The following ANAPC11 variants were observed in gnomAD, a reference collection of about 807,000 sequenced individuals.
The protein encoded by ANAPC11 is anaphase-promoting complex subunit 11.
ANAPC11 carries 5 observed loss-of-function variants against 11.8 expected under a neutral mutation model. The ratio of observed to expected loss-of-function variants is 0.42; its 90% confidence interval spans 0.22 to 0.89. The LOEUF (loss-of-function observed/expected upper bound fraction) is 0.89. Ranked by LOEUF, ANAPC11 falls within the 40% of genes least tolerant of loss-of-function variation. The pLI is 0.28. For synonymous variants in ANAPC11, 45 were observed against 41.0 expected (o/e 1.10, Z -0.38); for missense variants, 68 against 112.9 (o/e 0.60, Z 1.80).
intron 3 of ANAPC11, chr17:81,899,084 G>C (rs2039842021): frequency 1.3e-6 from 1 of 787,440 alleles, no homozygotes; most frequent in Non-Finnish European, 2.0e-6. Flanking sequence ...ACGAGCTCCA[G>C]CTCCACAATG....
chr17:81,891,603 A>G (rs1292591870), upstream of ANAPC11: 13 of 1,379,674 alleles, frequency 9.4e-6, no homozygotes, highest in Non-Finnish European at 1.2e-5. Flanking sequence ...GCGCGTCAGC[A>G]CGCCGGCACG....
At position 81,900,101 on chromosome 17, in the gene ANAPC11, G is replaced by GAC. The variant is rs1325064223; in HGVS notation, c.*37_*38dup. The GAC allele has an allele frequency of 6.2e-7, 1 of 1,610,672 alleles. No individual in the cohort carries two copies. The highest frequency in any genetic ancestry group is 8.5e-7 in the Non-Finnish European group (1 of 1,179,096). On this transcript the variant is annotated 3_prime_UTR_variant, in exon 4 of 4. Transcript: ENST00000344877. The stretch of plus-strand genomic sequence containing the variant: ...GGCTCTCGCTGGAGGGGCATCCTGA[G>GAC]ACTCCTTCCTCATGCTGGCGCCGAT...
chr17:81,894,376 G>T, intron 2 of ANAPC11, 91 bp from the exon 3 acceptor site: 1 of 666,274 alleles, frequency 1.5e-6, no homozygotes, highest in Non-Finnish European at 2.6e-6. Flanking sequence ...AGCTGGGACT[G>T]CACTGTGGCA....
intron 3 of ANAPC11, chr17:81,899,347 C>A: frequency 6.2e-7 from 1 of 1,613,808 alleles, no homozygotes; most frequent in East Asian, 2.2e-5. Context: ...AACACAGCTT[C>A]CCCAACGCCT....
In ANAPC11 at chr17:81,894,498, C is replaced by CTTCT; in HGVS notation, c.22_23insTCTT (p.Trp8PhefsTer15). 1 of 1,612,808 alleles carries CTTCT rather than the reference C, an allele frequency of 6.2e-7. No individual in the cohort carries two copies. Among genetic ancestry groups the CTTCT allele is most frequent in the South Asian group, 1.1e-5 (1 of 90,998 alleles). ...CTGCCATGAAGGTGAAGATTAAGTGCTGGAACGGCGTGGCCACTTGGCTCT... is the reference window on the plus strand; with the variant it reads ...CTGCCATGAAGGTGAAGATTAAGTGCTTCTTGGAACGGCGTGGCCACTTGGCTCT... On this transcript the variant is annotated frameshift_variant, in exon 3 of 4. Transcript: ENST00000344877. LOFTEE classifies it high-confidence loss of function.
rs2039539338 is a variant in ANAPC11 at position 81,891,775 on chromosome 17, G to T, written c.-141G>T. On this transcript the variant is annotated 5_prime_UTR_variant, in exon 1 of 4. Transcript: ENST00000344877. ...GGCGCTGTTGAGGGAGTCGGGCCGC[G>T]ACTGTGGTCGTTTTTATACCTTCCC... 1 of 331,214 alleles carries T rather than the reference G, an allele frequency of 3.0e-6. No individual in the cohort carries two copies. Among genetic ancestry groups the T allele is most frequent in the Non-Finnish European group, 5.1e-6 (1 of 194,342 alleles). 20.5% of individuals were successfully genotyped at this position (331,214 alleles called of 1,614,324 possible).
intron 3 of ANAPC11, chr17:81,899,178 T>A: frequency 6.6e-7 from 1 of 1,521,384 alleles, no homozygotes. Context: ...TTCCAGGCTC[T>A]TGGAGATCAG....
At chr17:81,896,881 C>T (rs1196348905) in intron 3 of ANAPC11, among the ~76,000 whole-genome samples, 1 of 147,672 alleles carries the variant, frequency 6.8e-6, no homozygotes, top group East Asian at 2.0e-4. Context: ...GGCACCATCT[C>T]AGCTCACCGC....
intron 3 of ANAPC11, chr17:81,898,354 C>G (rs570633086): frequency 6.6e-6 from 1 of 152,244 alleles, no homozygotes; most frequent in Non-Finnish European, 1.5e-5. Context: ...CTGCAGAGCC[C>G]GCCCTGCAGC....
At chr17:81,892,267 G>GTT (rs2039565613) in intron 1 of ANAPC11, among the ~76,000 whole-genome samples, 1 of 152,072 alleles carries the variant, frequency 6.6e-6, no homozygotes, top group Non-Finnish European at 1.5e-5. Context: ...CAGCCCAGGA[G>GTT]TTTGAGACCA....
At chr17:81,899,004 C>T (rs1268551811) in intron 3 of ANAPC11, 17 of 586,120 alleles carry the variant, frequency 2.9e-5, no homozygotes, top group East Asian at 5.7e-5. Flanking sequence ...GAAACCCCCA[C>T]GGGCAGGTCC....
intron 3 of ANAPC11, chr17:81,899,712 T>C: frequency 3.1e-6 from 3 of 973,584 alleles, no homozygotes; most frequent in Non-Finnish European, 4.5e-6. Flanking sequence ...ATGTCCGGTG[T>C]CCCTTGGTCA....
At chr17:81,894,427 A>C (rs763952613) in intron 2 of ANAPC11, 40 bp from the exon 3 acceptor site, 1 of 1,266,270 alleles carries the variant, frequency 7.9e-7, no homozygotes, top group Non-Finnish European at 1.1e-6. Flanking sequence ...CTAGCTCTGC[A>C]GACTCAATTT....
upstream of ANAPC11, chr17:81,890,957 G>A: frequency 7.4e-7 from 1 of 1,344,832 alleles, no homozygotes. Context: ...CGCTCCCTCC[G>A]GCGCTGCAGC....
At chr17:81,899,708 G>A (rs767857774) in intron 3 of ANAPC11, 60 of 972,068 alleles carry the variant, frequency 6.2e-5, no homozygotes, top group African/African-American at 3.3e-4. Context: ...CCGCATGTCC[G>A]GTGTCCCTTG....
chr17:81,892,297 A>AC (rs1328373899), intron 1 of ANAPC11, among the ~76,000 whole-genome samples: 2 of 150,274 alleles, frequency 1.3e-5, no homozygotes, highest in East Asian at 2.0e-4. Flanking sequence ...ACATCGTGAG[A>AC]CCCCCATCTC....
At chr17:81,896,798 CTTTTTTTTTTTTTTTTT>C (rs1156391578) in intron 3 of ANAPC11, among the ~76,000 whole-genome samples, 2 of 42,912 alleles carry the variant, frequency 4.7e-5, no homozygotes, top group East Asian at 2.0e-3. Flanking sequence ...GCCTCCTTTG[CTTTTTTTTTTTTTTTTT>C]TTTTTTTTTT....
In ANAPC11 at chr17:81,900,100, A is replaced by C. The variant is rs1227230651; in HGVS notation, c.*35A>C. The C allele has an allele frequency of 1.2e-6, 2 of 1,610,630 alleles. No homozygotes were observed. Among genetic ancestry groups the C allele is most frequent in the African/African-American group, 1.3e-5 (1 of 74,918 alleles). On this transcript the variant is annotated 3_prime_UTR_variant, in exon 4 of 4. Transcript: ENST00000344877. Reference sequence around the variant, plus strand: ...TGGCTCTCGCTGGAGGGGCATCCTGAGACTCCTTCCTCATGCTGGCGCCGA... The same window carrying C: ...TGGCTCTCGCTGGAGGGGCATCCTGCGACTCCTTCCTCATGCTGGCGCCGA...
chr17:81,894,892 A>G (rs1266899644), intron 3 of ANAPC11: 2 of 291,250 alleles, frequency 6.9e-6, no homozygotes, highest in Admixed American at 5.4e-5. Context: ...TAATTTTTTT[A>G]TTTTTAGTAG....
Sources: allele counts gnomAD v4.1 joint callset (sites outside exome capture counted in the v4.1 genomes callset), GRCh38; gene constraint gnomAD v4.1.1; transcripts MANE v1.5; gene names NCBI Gene and HGNC (gene_info 2026-07-23, HGNC 2026-07-21).